TRIM46: variants seen among roughly 807,000 people sequenced by gnomAD.
TRIM46 encodes tripartite motif-containing protein 46.
In TRIM46, 17 loss-of-function variants were observed where a neutral mutation model predicts 69.7. The observed-to-expected ratio is 0.24, with a 90% CI of 0.17 to 0.37. The LOEUF is 0.37. Ranked by LOEUF, TRIM46 falls within the 10% of genes least tolerant of loss-of-function variation. The probability of loss-of-function intolerance (pLI) is 1.00; values close to 1 mark genes in which losing one functional copy is unlikely to be tolerated. For synonymous variants in TRIM46, 391 were observed against 429.0 expected, an observed-to-expected ratio of 0.91 and a Z score of 1.09; for missense variants, 675 against 1,025.1, an observed-to-expected ratio of 0.66 and a Z score of 4.66.
intron 9 of TRIM46, 37 bp from the exon 10 acceptor site, chr1:155,183,760 C>G (rs777253243): frequency 6.3e-7 from 1 of 1,594,610 alleles, no homozygotes; most frequent in Non-Finnish European, 8.5e-7. Flanking sequence ...GTCACTCCAT[C>G]CCTCAACAAT....
At chr1:155,178,706 C>T in intron 7 of TRIM46, 93 bp downstream of exon 7, 1 of 1,574,218 alleles carries the variant, frequency 6.4e-7, no homozygotes, top group Non-Finnish European at 8.6e-7. Context: ...CGGGGACCTC[C>T]CCGGCCTCCT....
At position 155,182,466 on chromosome 1, in the gene TRIM46, C is replaced by G. The variant is rs570697737; in HGVS notation, c.1886+317C>G. ...CACCATCTCTCCAAGCATCTGTGTC[C>G]TTTCTTCCTAACACTCCATTTCCAA... On this transcript the variant is annotated intron_variant, in intron 9 of 9. Transcript: ENST00000334634. The G allele has an allele frequency of 5.8e-6, 3 of 517,900 alleles. No individual in the cohort carries two copies. In the East Asian group the frequency reaches 9.2e-5, roughly 16 times the overall value. The allele number at this position is 517,900 out of a possible 1,614,324, so 32.1% of individuals were successfully genotyped here.
intron 3 of TRIM46, 43 bp downstream of exon 3, chr1:155,176,274 G>A: frequency 6.5e-7 from 1 of 1,538,400 alleles, no homozygotes; most frequent in Non-Finnish European, 8.7e-7. Flanking sequence ...GGGACATGCT[G>A]CTGCAGGTGG....
intron 7 of TRIM46, among the ~76,000 whole-genome samples, chr1:155,179,028 G>A (rs896476113): frequency 4.0e-4 from 61 of 152,202 alleles, no homozygotes; most frequent in Admixed American, 3.9e-4. Context: ...AGGCGCTTGC[G>A]TAATCCTGGC....
chr1:155,174,921 C>G, intron 1 of TRIM46: 3 of 1,399,824 alleles, frequency 2.1e-6, no homozygotes, highest in Non-Finnish European at 2.8e-6. Context: ...ACGTATGGAG[C>G]GAGCAGGATG....
Position 155,182,285 on chromosome 1 carries a change from G to C in TRIM46, c.1886+136G>C, listed in dbSNP as rs542166554. 22 of 1,059,922 alleles carry C rather than the reference G, an allele frequency of 2.1e-5. No homozygotes were observed. The East Asian group carries it at 5.2e-4, about 25-fold the overall frequency. The allele number at this position is 1,059,922 out of a possible 1,614,324, so 65.7% of individuals were successfully genotyped here. On this transcript the variant is annotated intron_variant, in intron 9 of 9. Coordinates refer to ENST00000334634, the MANE Select transcript of TRIM46 (RefSeq NM_025058.5). ...AGGAGGAAGTAGTAGGAGCCTGGAA[G>C]CCAGGCTGGGAGGCCTGTGTCCAGG...
Position 155,184,484 on chromosome 1 carries a change from C to G in TRIM46, c.*294C>G, listed in dbSNP as rs1666401464. 5.3e-6 allele frequency: 2 copies of G among 380,120 alleles called. No homozygotes were observed. The highest frequency in any genetic ancestry group is 8.9e-5 in the Admixed American group (2 of 22,572). The allele number at this position is 380,120 out of a possible 1,614,324, so 23.5% of individuals were successfully genotyped here. A position where few individuals can be genotyped will look rare whatever the true frequency, so the allele number is the denominator to read the frequency against. ...TGTTACCCAAGCCATGGAGAGAGCC[C>G]CTTCTCCATCCCTGTCCTGTGCCCC... On this transcript the variant is annotated 3_prime_UTR_variant, in exon 10 of 10. Coordinates refer to ENST00000334634, the MANE Select transcript of TRIM46 (RefSeq NM_025058.5). This position sits in a 1 kb window ranked among gnomAD's most constrained non-coding sequence, Gnocchi z 5.6.
intron 5 of TRIM46, among the ~76,000 whole-genome samples, 157 bp from the exon 6 acceptor site, chr1:155,177,845 G>A (rs1665805964): frequency 6.6e-6 from 1 of 152,212 alleles, no homozygotes; most frequent in Non-Finnish European, 1.5e-5. Context: ...TGCCTTTGCA[G>A]CCATGAGCCC....
chr1:155,179,541 T>C, intron 7 of TRIM46, 91 bp from the exon 8 acceptor site: 1 of 1,232,592 alleles, frequency 8.1e-7, no homozygotes. Flanking sequence ...CCCCCCCGGC[T>C]CCCGCTGCTT....
intron 7 of TRIM46, 47 bp downstream of exon 7, chr1:155,178,660 T>A: frequency 6.2e-7 from 1 of 1,604,328 alleles, no homozygotes; most frequent in Non-Finnish European, 8.5e-7. Context: ...CTTCTTCCCT[T>A]CCTCCCCAGC....
intron 3 of TRIM46, 75 bp downstream of exon 3, chr1:155,176,306 G>C: frequency 7.3e-7 from 1 of 1,370,068 alleles, no homozygotes; most frequent in Admixed American, 2.4e-5. Context: ...TGGCATTGTG[G>C]GTTTCCAAAA....
intron 1 of TRIM46, chr1:155,174,744 T>A: frequency 1.4e-6 from 2 of 1,457,608 alleles, no homozygotes; most frequent in Non-Finnish European, 1.8e-6. Context: ...GGGCTCTTGA[T>A]TCCCCCGCTA....
intron 4 of TRIM46, 57 bp downstream of exon 4, chr1:155,177,132 C>G: frequency 6.2e-7 from 1 of 1,613,944 alleles, no homozygotes; most frequent in East Asian, 2.2e-5. Flanking sequence ...CCTCTTGCAC[C>G]TCCTCCCAAC....
intron 1 of TRIM46, chr1:155,174,752 C>T: frequency 3.4e-6 from 5 of 1,458,826 alleles, no homozygotes; most frequent in Non-Finnish European, 3.6e-6. Context: ...GATTCCCCCG[C>T]TAGTTCGGAG....
Position 155,181,816 on chromosome 1 carries a change from G to T in TRIM46, c.1589-36G>T. 1 of 1,582,220 alleles carries T rather than the reference G, an allele frequency of 6.3e-7. No homozygotes were observed. Among genetic ancestry groups the T allele is most frequent in the Non-Finnish European group, 8.6e-7 (1 of 1,160,042 alleles). On this transcript the variant is annotated intron_variant, in intron 8 of 9. Coordinates refer to ENST00000334634, the MANE Select transcript of TRIM46 (RefSeq NM_025058.5). The surrounding 1 kb of genome is among the most constrained non-coding windows in gnomAD (Gnocchi z 4.3). Reference sequence around the variant, plus strand: ...CCCAGTGCCAGTGTTTGTCCCTGAAGTTCTTGCTCCATCTCAACCCTCTCC... The same window carrying T: ...CCCAGTGCCAGTGTTTGTCCCTGAATTTCTTGCTCCATCTCAACCCTCTCC...
chr1:155,174,575 C>G, intron 1 of TRIM46: 2 of 1,518,542 alleles, frequency 1.3e-6, no homozygotes, highest in Non-Finnish European at 1.8e-6. Flanking sequence ...CTCCCCCCCT[C>G]CTTGTTCCTC....
At chr1:155,180,858 C>T (rs779401710) in intron 8 of TRIM46, among the ~76,000 whole-genome samples, 18 of 151,454 alleles carry the variant, frequency 1.2e-4, no homozygotes, top group Non-Finnish European at 2.4e-4. Context: ...TGCGGTGAGC[C>T]GAGATCGCGC....
chr1:155,174,586 C>T (rs750665183), intron 1 of TRIM46: 97 of 1,525,622 alleles, frequency 6.4e-5, no homozygotes, highest in South Asian at 2.4e-4. Context: ...CTTGTTCCTC[C>T]CTCCTTTGTG....
chr1:155,174,682 C>G, intron 1 of TRIM46: 5 of 1,452,678 alleles, frequency 3.4e-6, no homozygotes, highest in East Asian at 2.7e-5. Context: ...GACCCCCACT[C>G]TCGCCACCAA....
Sources: gnomAD v4.1 joint callset for allele counts (sites outside exome capture counted in the v4.1 genomes callset) on GRCh38, gnomAD v4.1.1 for gene constraint, Gnocchi (gnomAD v3.1) non-coding constraint, MANE v1.5 for transcripts, NCBI Gene and HGNC (gene_info 2026-07-23, HGNC 2026-07-21) for gene names.